Variants in C1QTNF7 observed in about 807,000 individuals in gnomAD.
C1QTNF7 encodes C1q and TNF related 7.
A neutral mutation model predicts 19.6 loss-of-function variants in C1QTNF7; 15 were observed. The observed-to-expected ratio is 0.76, with a 90% CI of 0.51 to 1.18. The LOEUF is 1.18. C1QTNF7 is among the 50% of genes most tolerant of loss of function. C1QTNF7 has a pLI of 0.00. For synonymous variants in C1QTNF7, 142 were observed against 137.5 expected (o/e 1.03, Z -0.23); for missense variants, 324 against 359.7 (o/e 0.90, Z 0.80).
chr4:15,373,517 A>ACATCC (rs1484013812), intron 1 of C1QTNF7, among the ~76,000 whole-genome samples: 1 of 152,190 alleles, frequency 6.6e-6, no homozygotes, highest in Admixed American at 6.5e-5. Flanking sequence ...TTTGATTCTA[A>ACATCC]CCACAACAAA....
intron 1 of C1QTNF7, among the ~76,000 whole-genome samples, chr4:15,346,894 A>G (rs1322447583): frequency 6.6e-6 from 1 of 152,164 alleles, no homozygotes; most frequent in African/African-American, 2.4e-5. Flanking sequence ...ACCAACACGC[A>G]GTGAACTCTT....
At chr4:15,361,403 T>A (rs1717338011) in intron 1 of C1QTNF7, 1 of 152,188 alleles carries the variant, frequency 6.6e-6, no homozygotes, top group Admixed American at 6.5e-5. Flanking sequence ...AAAAACTGAA[T>A]CTGTCAAGGT....
At chr4:15,352,419 C>A (rs1403804030) in intron 1 of C1QTNF7, among the ~76,000 whole-genome samples, 1 of 152,110 alleles carries the variant, frequency 6.6e-6, no homozygotes, top group African/African-American at 2.4e-5. Context: ...ACTCTGCCAC[C>A]ATGGATGCAA....
At chr4:15,365,480 C>G (rs1717481799) in intron 1 of C1QTNF7, among the ~76,000 whole-genome samples, 1 of 152,194 alleles carries the variant, frequency 6.6e-6, no homozygotes, top group African/African-American at 2.4e-5. Context: ...CGTGGTTCAA[C>G]TTAGACCCGT....
chr4:15,414,681 C>T (rs1176929223), intron 1 of C1QTNF7, among the ~76,000 whole-genome samples: 1 of 152,104 alleles, frequency 6.6e-6, no homozygotes, highest in East Asian at 1.9e-4. Context: ...CATTTCTCCT[C>T]AGTGTGATAA....
intron 1 of C1QTNF7, among the ~76,000 whole-genome samples, chr4:15,350,833 A>G (rs1716910779): frequency 6.6e-6 from 1 of 152,244 alleles, no homozygotes; most frequent in Non-Finnish European, 1.5e-5. Context: ...CTAATGGGAA[A>G]TAGGAGACTG....
chr4:15,361,674 A>G (rs1717348582), intron 1 of C1QTNF7, among the ~76,000 whole-genome samples: 5 of 152,168 alleles, frequency 3.3e-5, no homozygotes, highest in Non-Finnish European at 1.5e-5. Context: ...TTTCGTTAAT[A>G]TGGTCTACTC....
At chr4:15,420,254 A>G (rs1326101522) in intron 1 of C1QTNF7, among the ~76,000 whole-genome samples, 1 of 152,096 alleles carries the variant, frequency 6.6e-6, no homozygotes, top group Admixed American at 6.5e-5. Context: ...CCATGAAAAA[A>G]CTACTTATTC....
intron 1 of C1QTNF7, among the ~76,000 whole-genome samples, chr4:15,418,985 G>T (rs190358395): frequency 1.3e-5 from 2 of 152,250 alleles, no homozygotes; most frequent in East Asian, 3.9e-4. Flanking sequence ...AAGCTTTGAC[G>T]TTCTCTTCAC....
chr4:15,404,184 T>A (rs1429528354), intron 1 of C1QTNF7, among the ~76,000 whole-genome samples: 1 of 152,232 alleles, frequency 6.6e-6, no homozygotes, highest in African/African-American at 2.4e-5. Context: ...TAGATATAGA[T>A]GTTTTTATAT....
intron 1 of C1QTNF7, among the ~76,000 whole-genome samples, chr4:15,421,278 A>T (rs1711747678): frequency 1.3e-5 from 2 of 152,162 alleles, no homozygotes; most frequent in African/African-American, 4.8e-5. Context: ...TTATGCCTAC[A>T]TAATGTCACA....
chr4:15,358,685 A>G (rs1470690507), intron 1 of C1QTNF7: 2 of 152,274 alleles, frequency 1.3e-5, no homozygotes, highest in East Asian at 3.9e-4. Flanking sequence ...ATTGTGTTCT[A>G]TGTTAAAGAA....
chr4:15,437,518 A>C (rs1712584271), intron 2 of C1QTNF7, among the ~76,000 whole-genome samples: 1 of 152,152 alleles, frequency 6.6e-6, no homozygotes, highest in African/African-American at 2.4e-5. Context: ...AGACATTGGT[A>C]ATTCGTTTCA....
intron 1 of C1QTNF7, among the ~76,000 whole-genome samples, chr4:15,388,501 G>A (rs750383897): frequency 9.2e-5 from 14 of 152,324 alleles, no homozygotes; most frequent in Non-Finnish European, 1.8e-4. Flanking sequence ...TAAAGGTACA[G>A]TGTGCAAGTG....
At chr4:15,422,829 C>T (rs1036733134) in intron 1 of C1QTNF7, among the ~76,000 whole-genome samples, 2 of 151,996 alleles carry the variant, frequency 1.3e-5, no homozygotes, top group Admixed American at 6.6e-5. Flanking sequence ...TGCCATATTG[C>T]CCAGGCTGGT....
At position 15,443,584 on chromosome 4, in the gene C1QTNF7, T is replaced by A. The variant is rs1404842872; in HGVS notation, c.*785T>A. ...GGTGTATGTGTTTAAGGGGGTGTGA[T>A]GGATGCAAAGGGAATGAGGAATTCA... On this transcript the variant is annotated 3_prime_UTR_variant, in exon 3 of 3. Transcript: ENST00000444304. The A allele has an allele frequency of 6.6e-6, 1 of 152,212 alleles. No homozygotes were observed. Among genetic ancestry groups the A allele is most frequent in the Non-Finnish European group, 1.5e-5 (1 of 68,038 alleles). The allele number at this position is 152,212 out of a possible 1,614,324, so 9.4% of individuals were successfully genotyped here. A position where few individuals can be genotyped will look rare whatever the true frequency, so the allele number is the denominator to read the frequency against.
At chr4:15,389,625 G>A (rs1045230940) in intron 1 of C1QTNF7, among the ~76,000 whole-genome samples, 1 of 152,048 alleles carries the variant, frequency 6.6e-6, no homozygotes, top group Non-Finnish European at 1.5e-5. Context: ...CACCATGTTG[G>A]TCAGGCTGGT....
chr4:15,372,800 T>G (rs1246886454), intron 1 of C1QTNF7, among the ~76,000 whole-genome samples: 1 of 152,220 alleles, frequency 6.6e-6, no homozygotes, highest in Non-Finnish European at 1.5e-5. Context: ...TTCTTCATTC[T>G]TAACATTACA....
chr4:15,414,428 G>T (rs151320318), intron 1 of C1QTNF7, among the ~76,000 whole-genome samples: 132 of 152,172 alleles, frequency 8.7e-4, no homozygotes, highest in African/African-American at 2.8e-3. Flanking sequence ...CCTAAGCATT[G>T]CCCAATGACA....
Sources: gnomAD v4.1 joint callset for allele counts (sites outside exome capture counted in the v4.1 genomes callset) on GRCh38, gnomAD v4.1.1 for gene constraint, MANE v1.5 for transcripts, NCBI Gene and HGNC (gene_info 2026-07-23, HGNC 2026-07-21) for gene names.